GRAMD2B: variants seen among roughly 807,000 people sequenced by gnomAD.
The protein encoded by GRAMD2B is GRAM domain containing 2B.
GRAMD2B carries 41 observed loss-of-function variants against 59.2 expected under a neutral mutation model. The observed-to-expected ratio is 0.69, with a 90% CI of 0.54 to 0.90. The LOEUF is 0.90. GRAMD2B is among the 40% of genes least tolerant of loss of function. The pLI, the probability that GRAMD2B is intolerant of heterozygous loss-of-function variation, is 0.00. For missense variants in GRAMD2B, 424 were observed against 500.5 expected (o/e 0.85, Z 1.46); for synonymous variants, 161 against 182.7 (o/e 0.88, Z 0.96).
intron 8 of GRAMD2B, among the ~76,000 whole-genome samples, chr5:126,482,247 T>C (rs772273326): frequency 1.3e-5 from 2 of 152,186 alleles, no homozygotes; most frequent in African/African-American, 4.8e-5. Flanking sequence ...CAGAACAAGA[T>C]TGTAGCCATG....
At chr5:126,444,584 G>A (rs564698149) in intron 1 of GRAMD2B, among the ~76,000 whole-genome samples, 8 of 152,270 alleles carry the variant, frequency 5.3e-5, no homozygotes, top group East Asian at 3.9e-4. Flanking sequence ...TGTTTCAAAC[G>A]TACTGCTCAT....
At chr5:126,421,310 T>C (rs1044060046), upstream of GRAMD2B, among the ~76,000 whole-genome samples, 1 of 152,236 alleles carries the variant, frequency 6.6e-6, no homozygotes, top group African/African-American at 2.4e-5. Context: ...ATCTGAGCTC[T>C]GTAATGAGAA....
intron 1 of GRAMD2B, among the ~76,000 whole-genome samples, chr5:126,401,524 T>G (rs113533973): frequency 6.6e-6 from 1 of 152,062 alleles, no homozygotes; most frequent in African/African-American, 2.4e-5. Flanking sequence ...TCATGTTTTT[T>G]GAAGTCTTTC....
intron 10 of GRAMD2B, 113 bp downstream of exon 10, chr5:126,484,637 G>A (rs926684372): frequency 5.0e-5 from 54 of 1,083,266 alleles, no homozygotes; most frequent in Non-Finnish European, 6.2e-5. Flanking sequence ...CTGCTGTAGT[G>A]CAATAACATG....
chr5:126,404,321 T>C lies in GRAMD2B; in HGVS notation c.125+32754T>C, dbSNP rs181600114. On this transcript the variant is annotated intron_variant, in intron 1 of 8. Transcript: ENST00000506445. ...TAGTAGAGGGAGTTAAAAGTACCAG[T>C]GTCAACAGAAATGGGAAGCTGTGTG... Among the ~76,000 whole-genome samples the C allele has an allele frequency of 3.6e-4, 54 of 151,924 alleles. 1 individual carries two copies. The highest frequency in any genetic ancestry group is 6.6e-4 in the Non-Finnish European group (45 of 67,842).
chr5:126,401,153 C>T (rs562151361), intron 1 of GRAMD2B, among the ~76,000 whole-genome samples: 20 of 151,898 alleles, frequency 1.3e-4, no homozygotes, highest in African/African-American at 4.8e-4. Flanking sequence ...TTTCAATCTC[C>T]CTGGATTGAA....
chr5:126,398,408 A>T (rs11740466), intron 1 of GRAMD2B, among the ~76,000 whole-genome samples: 1 of 151,946 alleles, frequency 6.6e-6, no homozygotes, highest in South Asian at 2.1e-4. Context: ...GTTTTTTGGC[A>T]TATGATCATT....
chr5:126,401,853 A>G (rs1343945264), intron 1 of GRAMD2B, among the ~76,000 whole-genome samples: 1 of 152,056 alleles, frequency 6.6e-6, no homozygotes, highest in Non-Finnish European at 1.5e-5. Context: ...CAGCTTAGTC[A>G]AGATATCACT....
chr5:126,424,834 T>C lies in GRAMD2B; in HGVS notation c.83+1145T>C, dbSNP rs62391848. Reference sequence around the variant, plus strand: ...TGAGGCAGGTGCTATTATTTCCATGTTGCAGATAAAAGCACTGAAGCTCTG... The same window carrying C: ...TGAGGCAGGTGCTATTATTTCCATGCTGCAGATAAAAGCACTGAAGCTCTG... On this transcript the variant is annotated intron_variant, in intron 1 of 13. Transcript: ENST00000285689. Among the ~76,000 whole-genome samples the C allele has an allele frequency of 5.4e-3, 825 of 152,348 alleles. 5 individuals are homozygous for C. The highest frequency in any genetic ancestry group is 9.1e-3 in the Non-Finnish European group (621 of 68,036).
chr5:126,429,313 T>G (rs1761163507), intron 1 of GRAMD2B, among the ~76,000 whole-genome samples: 1 of 152,122 alleles, frequency 6.6e-6, no homozygotes, highest in South Asian at 2.1e-4. Flanking sequence ...TGTTCTCACT[T>G]ATAAGTGGGA....
chr5:126,423,710 C>T (rs780304208), intron 1 of GRAMD2B, 21 bp downstream of exon 1: 11 of 1,592,702 alleles, frequency 6.9e-6, no homozygotes, highest in Non-Finnish European at 9.4e-6. Flanking sequence ...TCAGCTGGGA[C>T]CCATCCAAGG....
At chr5:126,491,507 G>A (rs1272618329) in intron 13 of GRAMD2B, among the ~76,000 whole-genome samples, 1 of 152,154 alleles carries the variant, frequency 6.6e-6, no homozygotes, top group East Asian at 1.9e-4. Context: ...GGTTTCATGT[G>A]TAAAGCCTGT....
chr5:126,400,896 T>C (rs1261271802), intron 1 of GRAMD2B, among the ~76,000 whole-genome samples: 3 of 152,162 alleles, frequency 2.0e-5, no homozygotes, highest in Non-Finnish European at 4.4e-5. Flanking sequence ...TGACTTTTGA[T>C]CATAATGTGT....
At chr5:126,371,327 C>A in exon 1 of GRAMD2B, 1 of 1,134,616 alleles carries the variant, frequency 8.8e-7, no homozygotes, top group South Asian at 1.9e-5. Context: ...GAAGAAAGAG[C>A]TTCCTGCAAT....
chr5:126,463,562 T>G (rs1460212473), intron 1 of GRAMD2B, among the ~76,000 whole-genome samples: 1 of 152,238 alleles, frequency 6.6e-6, no homozygotes, highest in Non-Finnish European at 1.5e-5. Context: ...CAGCCTTCCA[T>G]GTACCTTTGT....
At chr5:126,410,924 G>T (rs879542285) in intron 1 of GRAMD2B, among the ~76,000 whole-genome samples, 2 of 151,830 alleles carry the variant, frequency 1.3e-5, no homozygotes, top group Non-Finnish European at 2.9e-5. Flanking sequence ...AGAAGTATCT[G>T]GTCATGTCTT....
At chr5:126,411,667 G>A (rs1195295325) in intron 1 of GRAMD2B, among the ~76,000 whole-genome samples, 1 of 152,012 alleles carries the variant, frequency 6.6e-6, no homozygotes, top group Non-Finnish European at 1.5e-5. Flanking sequence ...GATAGGAATA[G>A]CAATGAATCT....
chr5:126,408,042 T>A lies in GRAMD2B; in HGVS notation c.125+36475T>A, dbSNP rs529117740. Among the ~76,000 whole-genome samples the A allele has an allele frequency of 1.5e-3, 233 of 152,126 alleles. 2 individuals carry two copies. The highest frequency in any genetic ancestry group is 5.5e-3 in the African/African-American group (229 of 41,548). On this transcript the variant is annotated intron_variant, in intron 1 of 8. Coordinates refer to the GRAMD2B transcript ENST00000506445. ...ATGCAGAGGTTTGGGGTACGATTGA[T>A]CTCATCACCCAGGTCCTGAGCATAG...
chr5:126,465,180 G>A (rs1344041763), intron 1 of GRAMD2B: 7 of 1,355,332 alleles, frequency 5.2e-6, no homozygotes, highest in Non-Finnish European at 5.7e-6. Context: ...AGACCTGGGA[G>A]CCAGCAAGTC....
Sources: gnomAD v4.1 joint callset for allele counts (sites outside exome capture counted in the v4.1 genomes callset) on GRCh38, gnomAD v4.1.1 for gene constraint, MANE v1.5 for transcripts, NCBI Gene and HGNC (gene_info 2026-07-23, HGNC 2026-07-21) for gene names.